The following PHACTR4 variants were observed in gnomAD, a reference collection of about 807,000 sequenced individuals.
PHACTR4 encodes the protein protein phosphatase 1, regulatory subunit 124.
A neutral mutation model predicts 72.7 loss-of-function variants in PHACTR4; 51 were observed. The ratio of observed to expected loss-of-function variants is 0.70; its 90% CI spans 0.56 to 0.89. The LOEUF is 0.89. PHACTR4 is among the 40% of genes least tolerant of loss of function. The pLI, the probability that PHACTR4 is intolerant of heterozygous loss-of-function variation, is 0.00. For missense variants in PHACTR4, 731 were observed against 861.8 expected (o/e 0.85, Z 1.90); for synonymous variants, 255 against 302.5 (o/e 0.84, Z 1.63).
intron 8 of PHACTR4, among the ~76,000 whole-genome samples, chr1:28,477,313 C>T (rs747901981): frequency 4.6e-5 from 7 of 151,176 alleles, no homozygotes; most frequent in Non-Finnish European, 8.9e-5. Flanking sequence ...GTCTCGAACT[C>T]GACCTCGTGA....
At position 28,466,520 on chromosome 1, in the gene PHACTR4, C is replaced by T; in HGVS notation, c.575C>T (p.Ser192Phe). 3 of 1,614,150 alleles carry T rather than the reference C, an allele frequency of 1.9e-6. No individual in the cohort carries two copies. The East Asian group carries it at 6.7e-5, about 36-fold the overall frequency. Reference protein sequence around the residue: ...SEGQAKDATSSGGTARFIIST... With the variant: ...SEGQAKDATSFGGTARFIIST... ...GGGCAAGCAAAGGATGCCACTTCCT[C>T]TGGCGGCACGGCAAGGTTCATCATC... The change falls in exon 6 of 14, where the codon TCT (serine) becomes TTT (phenylalanine). Residue 192 changes from serine (S) to phenylalanine (F), a missense_variant. Coordinates refer to ENST00000373839, the MANE Select transcript of PHACTR4 (RefSeq NM_001048183.3).
intron 4 of PHACTR4, among the ~76,000 whole-genome samples, chr1:28,460,870 C>T (rs776882770): frequency 2.6e-5 from 4 of 152,034 alleles, no homozygotes; most frequent in African/African-American, 9.7e-5. Flanking sequence ...TCTCGAACTC[C>T]TGACCTCAGG....
chr1:28,428,554 A>G (rs1381362125), intron 2 of PHACTR4, among the ~76,000 whole-genome samples: 1 of 152,222 alleles, frequency 6.6e-6, no homozygotes, highest in African/African-American at 2.4e-5. Flanking sequence ...TGCTGGCATA[A>G]TTTCAGTTTC....
chr1:28,493,551 AAAAT>A (rs1261433870), intron 13 of PHACTR4, among the ~76,000 whole-genome samples: 9 of 152,030 alleles, frequency 5.9e-5, no homozygotes, highest in South Asian at 2.1e-4. Flanking sequence ...AAAAAAAAAA[AAAAT>A]AAGTAAATGT....
chr1:28,440,119 G>A (rs1656899793), intron 2 of PHACTR4, among the ~76,000 whole-genome samples: 1 of 151,744 alleles, frequency 6.6e-6, no homozygotes, highest in African/African-American at 2.4e-5. Context: ...GGCTAACACG[G>A]TGAAACCCCG....
chr1:28,374,307 G>C (rs1266739131), intron 1 of PHACTR4, among the ~76,000 whole-genome samples: 1 of 152,188 alleles, frequency 6.6e-6, no homozygotes, highest in Non-Finnish European at 1.5e-5. Flanking sequence ...CCAAAATTAA[G>C]ATACTGTACT....
intron 8 of PHACTR4, among the ~76,000 whole-genome samples, chr1:28,477,060 G>A (rs981807992): frequency 4.7e-5 from 7 of 150,396 alleles, no homozygotes; most frequent in Non-Finnish European, 7.4e-5. Flanking sequence ...GTCAGCCACC[G>A]TGCCTGGCCA....
chr1:28,440,238 C>G (rs1656910112), intron 2 of PHACTR4, among the ~76,000 whole-genome samples: 1 of 139,956 alleles, frequency 7.1e-6, no homozygotes, highest in African/African-American at 2.6e-5. Flanking sequence ...GGAGGCGGAG[C>G]TTGCAGTGAG....
chr1:28,428,003 T>C (rs925851215), intron 2 of PHACTR4, among the ~76,000 whole-genome samples: 8 of 152,234 alleles, frequency 5.3e-5, no homozygotes, highest in Admixed American at 1.3e-4. Context: ...CTTTGTGAGC[T>C]TCAAATCACT....
chr1:28,466,847 C>A (rs1472981341), intron 6 of PHACTR4, 79 bp downstream of exon 6: 3 of 1,502,926 alleles, frequency 2.0e-6, no homozygotes, highest in African/African-American at 2.8e-5. Flanking sequence ...ACTGGTACAA[C>A]ATTGATTTGG....
At chr1:28,474,817 G>A (rs1659817832) in intron 7 of PHACTR4, among the ~76,000 whole-genome samples, 1 of 152,052 alleles carries the variant, frequency 6.6e-6, no homozygotes, top group African/African-American at 2.4e-5. Flanking sequence ...TGCTGGGATT[G>A]CAAGTGTGAG....
intron 6 of PHACTR4, among the ~76,000 whole-genome samples, chr1:28,470,533 AC>A (rs35374929): frequency 0.11 from 15,542 of 147,998 alleles, 1,853 homozygotes; most frequent in African/African-American, 0.3. Context: ...TACAAAAAAT[AC>A]CCCCCCCAAA....
chr1:28,373,652 C>T (rs1353490601), intron 1 of PHACTR4, among the ~76,000 whole-genome samples: 5 of 152,128 alleles, frequency 3.3e-5, no homozygotes, highest in South Asian at 2.1e-4. Flanking sequence ...TCTCAAATTC[C>T]TTGGCTCAGG....
At position 28,386,798 on chromosome 1, in the gene PHACTR4, C is replaced by T. The variant is rs113305375; in HGVS notation, c.-39+16973C>T. Among the ~76,000 whole-genome samples, 892 of 152,136 alleles carry T rather than the reference C, an allele frequency of 5.9e-3. 8 individuals carry two copies. The highest frequency in any genetic ancestry group is 0.02 in the African/African-American group (839 of 41,496). On this transcript the variant is annotated intron_variant, in intron 1 of 13. Coordinates refer to ENST00000373839, the MANE Select transcript of PHACTR4 (RefSeq NM_001048183.3). ...ACCTAGGTCATTAGATATTTAAAAT[C>T]TGCACTTTATATAGGACCAACGATA...
chr1:28,412,787 C>T (rs7518232), intron 2 of PHACTR4, among the ~76,000 whole-genome samples: 58,687 of 152,072 alleles, frequency 0.39, 13,017 homozygotes, highest in African/African-American at 0.6. Flanking sequence ...CCTGAGGTTC[C>T]TAGAGGCCCT....
chr1:28,388,633 C>T (rs1652761307), intron 1 of PHACTR4, among the ~76,000 whole-genome samples: 2 of 152,170 alleles, frequency 1.3e-5, no homozygotes, highest in East Asian at 1.9e-4. Context: ...GGGCAGATCA[C>T]GAGGTCAAGA....
At chr1:28,491,117 C>A in intron 11 of PHACTR4, 105 bp downstream of exon 11, 1 of 1,203,512 alleles carries the variant, frequency 8.3e-7, no homozygotes. Context: ...GCCTGTAATC[C>A]CAGCACTTTG....
At chr1:28,388,840 A>G (rs1018930067) in intron 1 of PHACTR4, among the ~76,000 whole-genome samples, 1 of 151,850 alleles carries the variant, frequency 6.6e-6, no homozygotes, top group African/African-American at 2.4e-5. Context: ...ACAGAGCCAG[A>G]CTCCATCTCA....
At chr1:28,449,794 G>A (rs1657804746) in intron 2 of PHACTR4, among the ~76,000 whole-genome samples, 2 of 151,786 alleles carry the variant, frequency 1.3e-5, no homozygotes. Flanking sequence ...AGGGGTTGCA[G>A]TGAGCTGAGA....
Sources: allele counts gnomAD v4.1 joint callset (sites outside exome capture counted in the v4.1 genomes callset), GRCh38; gene constraint gnomAD v4.1.1; transcripts MANE v1.5; gene names NCBI Gene and HGNC (gene_info 2026-07-23, HGNC 2026-07-21).